FOXP4: variants seen among roughly 807,000 people sequenced by gnomAD.
The protein encoded by FOXP4 is forkhead box protein P4.
In FOXP4, 25 loss-of-function variants were observed where a neutral mutation model predicts 82.6. The observed-to-expected ratio is 0.30, with a 90% CI of 0.22 to 0.42. The LOEUF (loss-of-function observed/expected upper bound fraction) is 0.42, where lower values mean the gene tolerates loss of function less well. Among genes scored for constraint, FOXP4 ranks in the 10% least tolerant of loss-of-function variants. The probability of loss-of-function intolerance (pLI) is 1.00; values close to 1 mark genes in which losing one functional copy is unlikely to be tolerated. For missense variants in FOXP4, 785 were observed against 900.9 expected (o/e 0.87, Z 1.65); for synonymous variants, 415 against 388.2 (o/e 1.07, Z -0.81).
rs1767188466 is a variant in FOXP4 at position 41,600,903 on chromosome 6, T to C, written c.*1967T>C. 6.6e-6 allele frequency: 1 copy of C among 152,310 alleles called. No homozygotes were observed. The highest frequency in any genetic ancestry group is 2.4e-5 in the African/African-American group (1 of 41,466). The allele number at this position is 152,310 out of a possible 1,614,324, so 9.4% of individuals were successfully genotyped here. ...GTTTTCTTCCAGAGTCCCAATCCTT[T>C]GCCCTAGTTCTTTCACTAGTTTGAA... On this transcript the variant is annotated 3_prime_UTR_variant, in exon 17 of 17. Coordinates refer to ENST00000307972, the MANE Select transcript of FOXP4 (RefSeq NM_001012426.2).
At position 41,599,088 on chromosome 6, in the gene FOXP4, G is replaced by A; in HGVS notation, c.*152G>A. On this transcript the variant is annotated 3_prime_UTR_variant, in exon 17 of 17. Transcript: ENST00000307972. ...GGGCCAGCAGCTCCCAGTGTGACCTGACAAAAACACGTAGGGGCAGGGACG... is the reference window on the plus strand; with the variant it reads ...GGGCCAGCAGCTCCCAGTGTGACCTAACAAAAACACGTAGGGGCAGGGACG... 1.8e-6 allele frequency: 2 copies of A among 1,082,570 alleles called. No individual in the cohort carries two copies. The highest frequency in any genetic ancestry group is 2.6e-6 in the Non-Finnish European group (2 of 770,254). 67.1% of individuals were successfully genotyped at this position (1,082,570 alleles called of 1,614,324 possible).
At chr6:41,570,510 C>G (rs1765140465) in intron 2 of FOXP4, 1 of 397,030 alleles carries the variant, frequency 2.5e-6, no homozygotes, top group Non-Finnish European at 5.3e-6. Flanking sequence ...AAAGACCGCC[C>G]TGTTTCCTAT....
chr6:41,562,860 G>T (rs1317016340), intron 1 of FOXP4, among the ~76,000 whole-genome samples: 1 of 152,234 alleles, frequency 6.6e-6, no homozygotes, highest in Non-Finnish European at 1.5e-5. Context: ...AGGCCCAAGT[G>T]GGGGAAGGTG....
At position 41,590,073 on chromosome 6, in the gene FOXP4, C is replaced by T; in HGVS notation, c.1260C>T (p.Thr420=). Residue 420 remains threonine (T), a synonymous_variant, in exon 11 of 17, where the codon ACC becomes ACT. Transcript: ENST00000307972. ...CGACCTCGGCCGCAGCCCCTGTCAC[C>T]CCTCTACGGCCCCCTGGCCTGGGCT... ...HPPTSAAAPV[T]PLRPPGLGSA... The T allele has an allele frequency of 6.2e-7, 1 of 1,613,898 alleles. No individual in the cohort carries two copies. The highest frequency in any genetic ancestry group is 8.5e-7 in the Non-Finnish European group (1 of 1,179,976).
intron 1 of FOXP4, among the ~76,000 whole-genome samples, chr6:41,563,096 G>A (rs748201400): frequency 7.2e-5 from 11 of 152,232 alleles, no homozygotes; most frequent in Non-Finnish European, 1.3e-4. Context: ...GGCTGGGTTG[G>A]GGGAAGAGCA....
At chr6:41,555,085 C>CA (rs1296476849) in intron 1 of FOXP4, among the ~76,000 whole-genome samples, 1 of 151,668 alleles carries the variant, frequency 6.6e-6, no homozygotes, top group African/African-American at 2.4e-5. Context: ...CCCCTCTCTA[C>CA]AAAAAATACA....
chr6:41,587,951 C>A, intron 8 of FOXP4, 54 bp downstream of exon 8: 1 of 957,298 alleles, frequency 1.0e-6, no homozygotes, highest in Non-Finnish European at 1.6e-6. Flanking sequence ...AGGGCCTCTC[C>A]CCCAACCCTG....
chr6:41,557,908 A>C (rs996751124), intron 1 of FOXP4, among the ~76,000 whole-genome samples: 1 of 152,158 alleles, frequency 6.6e-6, no homozygotes, highest in Non-Finnish European at 1.5e-5. Context: ...TCACCTTACA[A>C]ATCGAAGGCT....
intron 1 of FOXP4, among the ~76,000 whole-genome samples, 166 bp from the exon 2 acceptor site, chr6:41,565,579 A>G (rs903458563): frequency 1.3e-5 from 2 of 152,068 alleles, no homozygotes; most frequent in African/African-American, 4.8e-5. Context: ...GGACATCGGG[A>G]GGAGCCACAT....
At chr6:41,575,057 C>T (rs1765400789) in intron 2 of FOXP4, among the ~76,000 whole-genome samples, 1 of 152,312 alleles carries the variant, frequency 6.6e-6, no homozygotes, top group Non-Finnish European at 1.5e-5. Flanking sequence ...CAAGCTCCAC[C>T]TCCCGGGTTC....
intron 1 of FOXP4, among the ~76,000 whole-genome samples, chr6:41,551,433 G>GA (rs960739229): frequency 6.6e-5 from 10 of 152,158 alleles, no homozygotes; most frequent in African/African-American, 2.4e-4. Flanking sequence ...CTGTCTGGAT[G>GA]GTAGCCATAC....
In FOXP4 at chr6:41,585,414, C is replaced by T; in HGVS notation, c.424-17C>T. 6.2e-7 allele frequency: 1 copy of T among 1,612,800 alleles called. No homozygotes were observed. Among genetic ancestry groups the T allele is most frequent in the Non-Finnish European group, 8.5e-7 (1 of 1,179,256 alleles). On this transcript the variant is annotated splice_polypyrimidine_tract_variant and intron_variant, in intron 4 of 16. Coordinates refer to ENST00000307972, the MANE Select transcript of FOXP4 (RefSeq NM_001012426.2). ...TAGCAGTACCCTGCCAGTGGTAACC[C>T]TCCTCCACCCCCCCAGCTACAGGAG... is the stretch of plus-strand genomic sequence containing the variant.
intron 2 of FOXP4, among the ~76,000 whole-genome samples, chr6:41,567,677 G>A (rs1005517411): frequency 1.3e-5 from 2 of 152,176 alleles, no homozygotes; most frequent in African/African-American, 2.4e-5. Flanking sequence ...AATGAAGAAC[G>A]GACACAGTTC....
chr6:41,568,283 T>G (rs1341415846), intron 2 of FOXP4, among the ~76,000 whole-genome samples: 4 of 152,178 alleles, frequency 2.6e-5, no homozygotes. Context: ...ATATGCTGTG[T>G]TGTTATCTCA....
chr6:41,572,873 G>A (rs531085160), intron 2 of FOXP4, among the ~76,000 whole-genome samples: 13 of 152,204 alleles, frequency 8.5e-5, no homozygotes, highest in South Asian at 2.1e-4. Context: ...ACTGTGTCCC[G>A]TTGGGCAAAT....
At chr6:41,580,197 AAGCCC>A (rs1765720717) in intron 3 of FOXP4, among the ~76,000 whole-genome samples, 1 of 152,084 alleles carries the variant, frequency 6.6e-6, no homozygotes, top group African/African-American at 2.4e-5. Context: ...ATGCACCACC[AAGCCC>A]AGCTAATTTT....
At chr6:41,569,524 T>G (rs1765064246) in intron 2 of FOXP4, among the ~76,000 whole-genome samples, 1 of 152,230 alleles carries the variant, frequency 6.6e-6, no homozygotes, top group Non-Finnish European at 1.5e-5. Context: ...CCCTTAGGAC[T>G]CTCTCTGATA....
At chr6:41,568,511 GA>G (rs1316230972) in intron 2 of FOXP4, among the ~76,000 whole-genome samples, 2 of 152,222 alleles carry the variant, frequency 1.3e-5, no homozygotes, top group East Asian at 3.8e-4. Context: ...GGATGCTAAG[GA>G]AATGTCTGTT....
intron 2 of FOXP4, among the ~76,000 whole-genome samples, chr6:41,566,534 T>A (rs1460326880): frequency 6.6e-6 from 1 of 152,134 alleles, no homozygotes; most frequent in Admixed American, 6.5e-5. Flanking sequence ...CCTGTCTGTG[T>A]CTTATATTTC....
Sources: allele counts gnomAD v4.1 joint callset (sites outside exome capture counted in the v4.1 genomes callset), GRCh38; gene constraint gnomAD v4.1.1; transcripts MANE v1.5; gene names NCBI Gene and HGNC (gene_info 2026-07-23, HGNC 2026-07-21).